The following TTLL1 variants were observed in gnomAD, a reference collection of about 807,000 sequenced individuals.
TTLL1 encodes polyglutamylase complex subunit TTLL1.
In TTLL1, 33 loss-of-function variants were observed where a neutral mutation model predicts 47.8. That is an observed-to-expected ratio of 0.69 (90% confidence interval 0.52 to 0.92). TTLL1 has a LOEUF of 0.92. Among genes scored for constraint, TTLL1 ranks in the 40% least tolerant of loss-of-function variants. The pLI is 0.00. For synonymous variants in TTLL1, 225 were observed against 214.1 expected (o/e 1.05, Z -0.45); for missense variants, 488 against 547.5 (o/e 0.89, Z 1.08).
chr22:43,046,946 C>T (rs1479070893), intron 9 of TTLL1, among the ~76,000 whole-genome samples: 1 of 152,210 alleles, frequency 6.6e-6, no homozygotes, highest in Non-Finnish European at 1.5e-5. Context: ...GCTGGTATTA[C>T]AGGCGTGAGC....
rs184293439 is a variant in TTLL1, at chr22:43,055,941, C to T, written c.891+3443G>A. ...TCCCTTTTTGTGGAGAAGGAGGTCT[C>T]GCTATATTGCCCAGGCAGGTCTCGA... On this transcript the variant is annotated intron_variant, in intron 8 of 10. Coordinates refer to ENST00000266254, the MANE Select transcript of TTLL1 (RefSeq NM_012263.5). 2.0e-3 allele frequency among the ~76,000 whole-genome samples: 296 copies of T among 150,582 alleles called. 2 individuals are homozygous for T. The highest frequency in any genetic ancestry group is 7.2e-3 in the Middle Eastern group (2 of 276).
chr22:43,089,365 G>C lies in TTLL1; in HGVS notation c.-178C>G, dbSNP rs954954442. ...CTCGCCCCGCCTCCAGCCCCTCTCCGGCGCTCGCAGGAGTACGCAGCCGAC... is the reference window on the plus strand; with the variant it reads ...CTCGCCCCGCCTCCAGCCCCTCTCCCGCGCTCGCAGGAGTACGCAGCCGAC... On this transcript the variant is annotated 5_prime_UTR_variant, in exon 1 of 11. Coordinates refer to ENST00000266254, the MANE Select transcript of TTLL1 (RefSeq NM_012263.5). 1.3e-5 allele frequency: 2 copies of C among 152,414 alleles called. No homozygotes were observed. Among genetic ancestry groups the C allele is most frequent in the African/African-American group, 2.4e-5 (1 of 41,432 alleles). 9.4% of individuals were successfully genotyped at this position (152,414 alleles called of 1,614,324 possible).
Position 43,060,994 on chromosome 22 carries a change from G to A in TTLL1, c.748-1467C>T, listed in dbSNP as rs754150414. On this transcript the variant is annotated intron_variant, in intron 7 of 10. Coordinates refer to ENST00000266254, the MANE Select transcript of TTLL1 (RefSeq NM_012263.5). ...GAGGATCACCTGAGGTCAGGAGTTC[G>A]AGACCAGCCTGGCCAACATGGTGAA... Among the ~76,000 whole-genome samples, 5 of 152,152 alleles carry A rather than the reference G, an allele frequency of 3.3e-5. No individual in the cohort carries two copies. In the South Asian group the frequency reaches 1.0e-3, roughly 32 times the overall value.
intron 10 of TTLL1, among the ~76,000 whole-genome samples, chr22:43,045,568 C>T (rs1926059447): frequency 1.3e-5 from 2 of 150,138 alleles, no homozygotes; most frequent in African/African-American, 4.9e-5. Context: ...GCCTCGGCCT[C>T]CCAAAATGCT....
At chr22:43,058,316 G>A (rs1022123589) in intron 8 of TTLL1, among the ~76,000 whole-genome samples, 2 of 152,110 alleles carry the variant, frequency 1.3e-5, no homozygotes, top group African/African-American at 4.8e-5. Context: ...AAAAACAGAT[G>A]TGCACCTGCT....
chr22:43,081,959 C>A (rs1928925778), intron 1 of TTLL1, among the ~76,000 whole-genome samples: 1 of 148,882 alleles, frequency 6.7e-6, no homozygotes, highest in Non-Finnish European at 1.5e-5. Context: ...AAGCGAGATT[C>A]TCCTGCCTCA....
intron 3 of TTLL1, among the ~76,000 whole-genome samples, chr22:43,074,162 C>G (rs929113959): frequency 6.6e-6 from 1 of 151,962 alleles, no homozygotes; most frequent in African/African-American, 2.4e-5. Context: ...CACAGTGGCT[C>G]ACGCCTGTAA....
chr22:43,046,673 T>G, intron 9 of TTLL1, 100 bp from the exon 10 acceptor site: 1 of 1,414,862 alleles, frequency 7.1e-7, no homozygotes, highest in Non-Finnish European at 9.7e-7. Context: ...CACACTTTAG[T>G]GAAGTTTTTT....
chr22:43,074,792 C>A (rs1167298156), intron 3 of TTLL1, among the ~76,000 whole-genome samples: 3 of 152,098 alleles, frequency 2.0e-5, no homozygotes, highest in African/African-American at 4.8e-5. Flanking sequence ...GTAATCCCAG[C>A]ACTTTGGGAG....
intron 1 of TTLL1, among the ~76,000 whole-genome samples, chr22:43,082,015 C>T (rs1928928991): frequency 6.6e-6 from 1 of 151,808 alleles, no homozygotes; most frequent in South Asian, 2.1e-4. Context: ...CCGCGCCTGG[C>T]TAGTTTTTGT....
Position 43,075,465 on chromosome 22 carries a change from T to A in TTLL1, c.113+9A>T, listed in dbSNP as rs772551763. On this transcript the variant is annotated intron_variant, in intron 3 of 10. Coordinates refer to ENST00000266254, the MANE Select transcript of TTLL1 (RefSeq NM_012263.5). ...AGAGAAACAACCCAGCCCTGCTGTGTATGCTTACCAGTAAAAATTCCAGTC... is the reference window on the plus strand; with the variant it reads ...AGAGAAACAACCCAGCCCTGCTGTGAATGCTTACCAGTAAAAATTCCAGTC... 2 of 1,611,504 alleles carry A rather than the reference T, an allele frequency of 1.2e-6. No individual in the cohort carries two copies. The highest frequency in any genetic ancestry group is 1.7e-6 in the Non-Finnish European group (2 of 1,177,600).
chr22:43,068,656 C>A, intron 4 of TTLL1, 66 bp from the exon 5 acceptor site: 1 of 1,345,450 alleles, frequency 7.4e-7, no homozygotes, highest in Non-Finnish European at 9.7e-7. Flanking sequence ...ACAGAAAGAT[C>A]TTGCCCTTGC....
At chr22:43,054,573 C>T (rs543253511) in intron 8 of TTLL1, among the ~76,000 whole-genome samples, 3 of 151,868 alleles carry the variant, frequency 2.0e-5, no homozygotes, top group South Asian at 2.1e-4. Flanking sequence ...CACAGGCATG[C>T]GCCACCACAC....
At chr22:43,051,486 G>A (rs1014208870) in intron 9 of TTLL1, among the ~76,000 whole-genome samples, 4 of 152,198 alleles carry the variant, frequency 2.6e-5, no homozygotes, top group Non-Finnish European at 5.9e-5. Flanking sequence ...ATGAGGACAG[G>A]GGAGGGCCTG....
At chr22:43,053,972 CAACCGATGAGCGGTA>C (rs1926823040) in intron 8 of TTLL1, among the ~76,000 whole-genome samples, 1 of 152,222 alleles carries the variant, frequency 6.6e-6, no homozygotes, top group South Asian at 2.1e-4. Flanking sequence ...AGTCACGTGT[CAACCGATGAGCGGTA>C]TTTAACCCTT....
intron 9 of TTLL1, among the ~76,000 whole-genome samples, 155 bp downstream of exon 9, chr22:43,051,646 T>G (rs1185816749): frequency 3.3e-5 from 5 of 151,864 alleles, no homozygotes; most frequent in African/African-American, 1.2e-4. Flanking sequence ...GCTTATACCT[T>G]AACCATCAGC....
chr22:43,061,659 C>A (rs1927393984), intron 7 of TTLL1, among the ~76,000 whole-genome samples: 1 of 152,200 alleles, frequency 6.6e-6, no homozygotes, highest in Non-Finnish European at 1.5e-5. Context: ...CTAACCTGAA[C>A]TGGGTCCACA....
intron 8 of TTLL1, among the ~76,000 whole-genome samples, chr22:43,058,003 G>C (rs1459000785): frequency 6.6e-6 from 1 of 151,066 alleles, no homozygotes; most frequent in African/African-American, 2.4e-5. Context: ...GAGTGCAGTG[G>C]TACGATCTCG....
chr22:43,043,581 C>G (rs1925870567), intron 10 of TTLL1, among the ~76,000 whole-genome samples: 1 of 152,262 alleles, frequency 6.6e-6, no homozygotes, highest in South Asian at 2.1e-4. Flanking sequence ...CAGACTCACC[C>G]TCTGTGGGCT....
Sources: allele counts gnomAD v4.1 joint callset (sites outside exome capture counted in the v4.1 genomes callset), GRCh38; gene constraint gnomAD v4.1.1; transcripts MANE v1.5; gene names NCBI Gene and HGNC (gene_info 2026-07-23, HGNC 2026-07-21).